USP13: variants seen among roughly 807,000 people sequenced by gnomAD.
USP13 encodes ubiquitin carboxyl-terminal hydrolase 13.
Under a neutral mutation model 107.8 loss-of-function variants are expected in USP13, and 68 were observed. The ratio of observed to expected loss-of-function variants is 0.63; its 90% CI spans 0.52 to 0.77. The LOEUF (loss-of-function observed/expected upper bound fraction) is 0.77. Among genes scored for constraint, USP13 ranks in the 30% least tolerant of loss-of-function variants. The pLI, the probability that USP13 is intolerant of heterozygous loss-of-function variation, is 0.00. For missense variants in USP13, 945 were observed against 1,093.3 expected, an observed-to-expected ratio of 0.86 and a Z score of 1.91; for synonymous variants, 377 against 389.5, an observed-to-expected ratio of 0.97 and a Z score of 0.38.
chr3:179,712,335 T>C (rs533285080), intron 6 of USP13, among the ~76,000 whole-genome samples: 2 of 152,316 alleles, frequency 1.3e-5, no homozygotes, highest in South Asian at 2.1e-4. Context: ...GTGTAACATA[T>C]GTAGAAAACA....
At position 179,756,085 on chromosome 3, in the gene USP13, A is replaced by T. The variant is rs1714782061; in HGVS notation, c.1922-967A>T. ...ATTAGTACTGCTCCAGCTCTCTCTGATGTTCATAATAGAATCTTTGGTTTG... is the reference window on the plus strand; with the variant it reads ...ATTAGTACTGCTCCAGCTCTCTCTGTTGTTCATAATAGAATCTTTGGTTTG... On this transcript the variant is annotated intron_variant, in intron 15 of 20. Coordinates refer to ENST00000263966, the MANE Select transcript of USP13 (RefSeq NM_003940.3). 5.3e-5 allele frequency among the ~76,000 whole-genome samples: 8 copies of T among 152,210 alleles called. No individual in the cohort carries two copies. In the South Asian group the frequency reaches 1.7e-3, roughly 32 times the overall value.
intron 6 of USP13, among the ~76,000 whole-genome samples, chr3:179,714,174 G>A (rs16830755): frequency 0.44 from 66,613 of 152,068 alleles, 16,494 homozygotes; most frequent in Non-Finnish European, 0.55. Flanking sequence ...TAGTTTACCC[G>A]AGAAGATGCT....
chr3:179,713,263 G>A (rs534434747), intron 6 of USP13, among the ~76,000 whole-genome samples: 230 of 152,298 alleles, frequency 1.5e-3, no homozygotes, highest in African/African-American at 5.3e-3. Flanking sequence ...TTTTGAAAAA[G>A]ATCAGGCTTT....
At position 179,653,456 on chromosome 3, in the gene USP13, G is replaced by A; in HGVS notation, c.168+63G>A. On this transcript the variant is annotated intron_variant, in intron 1 of 20. Coordinates refer to ENST00000263966, the MANE Select transcript of USP13 (RefSeq NM_003940.3). This position sits in a 1 kb window ranked among gnomAD's most constrained non-coding sequence, Gnocchi z 4.0. ...CGGCCTGCGGCACGTGAAGCCGGGG[G>A]AGAAGATGCGCAGTGGCGGCCGGGA... 1.3e-6 allele frequency: 2 copies of A among 1,521,882 alleles called. No homozygotes were observed. The highest frequency in any genetic ancestry group is 1.2e-5 in the South Asian group (1 of 81,920). 94.3% of individuals were successfully genotyped at this position (1,521,882 alleles called of 1,614,324 possible).
At chr3:179,777,791 C>T (rs891744404) in intron 19 of USP13, among the ~76,000 whole-genome samples, 16 of 152,022 alleles carry the variant, frequency 1.1e-4, no homozygotes, top group African/African-American at 3.9e-4. Flanking sequence ...TAGAGAGCAG[C>T]CACATTTTTG....
intron 3 of USP13, among the ~76,000 whole-genome samples, chr3:179,691,512 G>A (rs1001144251): frequency 6.6e-6 from 1 of 152,208 alleles, no homozygotes; most frequent in Non-Finnish European, 1.5e-5. Flanking sequence ...TACAGAGATA[G>A]TGTGCCCTTC....
intron 16 of USP13, among the ~76,000 whole-genome samples, chr3:179,760,160 T>C (rs1240927321): frequency 1.3e-5 from 2 of 152,186 alleles, no homozygotes; most frequent in Non-Finnish European, 2.9e-5. Context: ...TGTATGTGTA[T>C]GTATCTATAC....
Position 179,667,575 on chromosome 3 carries a change from C to T in USP13, c.168+14182C>T, listed in dbSNP as rs569545660. On this transcript the variant is annotated intron_variant, in intron 1 of 20. Coordinates refer to ENST00000263966, the MANE Select transcript of USP13 (RefSeq NM_003940.3). ...TCCTGAAACTGTTGTAGTAGCTGGA[C>T]CTCGTGCCCTGCCCCTGGCCTTCCC... 2.0e-3 allele frequency among the ~76,000 whole-genome samples: 307 copies of T among 152,268 alleles called. 2 individuals carry two copies. Among genetic ancestry groups the T allele is most frequent in the Non-Finnish European group, 2.1e-3 (141 of 68,030 alleles).
At chr3:179,692,108 C>T (rs1449852155) in intron 3 of USP13, among the ~76,000 whole-genome samples, 1 of 152,194 alleles carries the variant, frequency 6.6e-6, no homozygotes, top group Non-Finnish European at 1.5e-5. Context: ...CTTCTACACA[C>T]ACATACACAT....
At chr3:179,733,009 C>G (rs911096829) in intron 10 of USP13, among the ~76,000 whole-genome samples, 3 of 152,224 alleles carry the variant, frequency 2.0e-5, no homozygotes, top group African/African-American at 7.2e-5. Flanking sequence ...CTTAACCATT[C>G]AGAACGTCTG....
chr3:179,676,023 T>C (rs1165434274), intron 1 of USP13, among the ~76,000 whole-genome samples: 1 of 152,182 alleles, frequency 6.6e-6, no homozygotes, highest in Non-Finnish European at 1.5e-5. Flanking sequence ...AATTGAATCA[T>C]GGGGTTGGTA....
intron 3 of USP13, among the ~76,000 whole-genome samples, chr3:179,690,923 G>A (rs922673146): frequency 3.9e-5 from 6 of 152,096 alleles, no homozygotes; most frequent in South Asian, 2.1e-4. Flanking sequence ...TTCCCAGCAC[G>A]TTGGGAGGCT....
At chr3:179,758,803 A>G (rs1714901511) in intron 16 of USP13, among the ~76,000 whole-genome samples, 1 of 149,844 alleles carries the variant, frequency 6.7e-6, no homozygotes, top group African/African-American at 2.5e-5. Context: ...CGGCCCTTAA[A>G]ATTTTTAAAA....
chr3:179,732,559 G>A (rs987494904), intron 10 of USP13, among the ~76,000 whole-genome samples: 1 of 152,100 alleles, frequency 6.6e-6, no homozygotes, highest in South Asian at 2.1e-4. Context: ...TGATCTAGGT[G>A]GTGGTGGTGA....
At chr3:179,767,480 A>C (rs561783183) in intron 19 of USP13, among the ~76,000 whole-genome samples, 4 of 149,560 alleles carry the variant, frequency 2.7e-5, no homozygotes, top group African/African-American at 5.0e-5. Context: ...GCTGGAGTGC[A>C]GTGGCACGAT....
At chr3:179,690,680 C>T (rs961280625) in intron 3 of USP13, among the ~76,000 whole-genome samples, 4 of 152,210 alleles carry the variant, frequency 2.6e-5, no homozygotes, top group Non-Finnish European at 5.9e-5. Context: ...TCAAGCCATT[C>T]TCCCACCTCA....
intron 3 of USP13, among the ~76,000 whole-genome samples, chr3:179,693,325 A>T (rs1009108869): frequency 1.2e-4 from 18 of 151,478 alleles, no homozygotes; most frequent in African/African-American, 2.4e-4. Context: ...ATTAAAAAAA[A>T]TTTTTTTTAA....
intron 1 of USP13, among the ~76,000 whole-genome samples, chr3:179,659,420 G>A (rs1410858119): frequency 6.6e-6 from 1 of 152,126 alleles, no homozygotes; most frequent in Non-Finnish European, 1.5e-5. Context: ...GCATGTCTTG[G>A]GAACTGCTAA....
chr3:179,678,499 G>T lies in USP13; in HGVS notation c.169-3379G>T, dbSNP rs1711544171. On this transcript the variant is annotated intron_variant, in intron 1 of 20. Transcript: ENST00000263966. This position sits in a 1 kb window ranked among gnomAD's most constrained non-coding sequence, Gnocchi z 4.2. ...TGCTATTTTTTTTTTTTGAGACAGG[G>T]TCTCTTTCTGTCACCCAGGCTGGAT... Among the ~76,000 whole-genome samples, 1 of 151,342 alleles carries T rather than the reference G, an allele frequency of 6.6e-6. No individual in the cohort carries two copies. Among genetic ancestry groups the T allele is most frequent in the African/African-American group, 2.4e-5 (1 of 41,158 alleles).
Sources: gnomAD v4.1 joint callset for allele counts (sites outside exome capture counted in the v4.1 genomes callset) on GRCh38, gnomAD v4.1.1 for gene constraint, Gnocchi (gnomAD v3.1) non-coding constraint, MANE v1.5 for transcripts, NCBI Gene and HGNC (gene_info 2026-07-23, HGNC 2026-07-21) for gene names.